The following RYR2 variants were observed in gnomAD, a reference collection of about 807,000 sequenced individuals.
RYR2 encodes ryanodine receptor 2, also known as cardiac muscle ryanodine receptor-calcium release channel.
RYR2 carries 227 observed loss-of-function variants against 601.1 expected under a neutral mutation model. That is an observed-to-expected ratio of 0.38 (90% CI 0.34 to 0.42). The LOEUF (loss-of-function observed/expected upper bound fraction) is 0.42. RYR2 is among the 10% of genes least tolerant of loss of function. The pLI, the probability that RYR2 is intolerant of heterozygous loss-of-function variation, is 1.00. For missense variants in RYR2, 4,646 were observed against 6,156.5 expected, an observed-to-expected ratio of 0.75 and a Z score of 8.21; for synonymous variants, 2,223 against 2,175.1, an observed-to-expected ratio of 1.02 and a Z score of -0.61.
At chr1:237,059,407 CTTG>C (rs1392069385) in intron 1 of RYR2, among the ~76,000 whole-genome samples, 2 of 152,070 alleles carry the variant, frequency 1.3e-5, no homozygotes, top group Admixed American at 6.5e-5. Flanking sequence ...CCCTCTTTTG[CTTG>C]TTGTTCATAC....
intron 2 of RYR2, among the ~76,000 whole-genome samples, chr1:237,310,722 C>G (rs1375634861): frequency 6.6e-6 from 1 of 152,164 alleles, no homozygotes; most frequent in South Asian, 2.1e-4. Context: ...TTGATTGAGT[C>G]CTGTCTCAGA....
At chr1:237,695,605 C>T (rs573314383) in intron 63 of RYR2, among the ~76,000 whole-genome samples, 6 of 152,104 alleles carry the variant, frequency 3.9e-5, no homozygotes, top group African/African-American at 9.7e-5. Flanking sequence ...TTCCTGATAA[C>T]GTGATTGACA....
intron 10 of RYR2, among the ~76,000 whole-genome samples, chr1:237,406,191 T>TCCCC (rs1558764852): frequency 1.3e-4 from 6 of 44,984 alleles, no homozygotes; most frequent in African/African-American, 1.3e-4. Flanking sequence ...TCCCCTCCCC[T>TCCCC]TCCCTTCCCT....
intron 12 of RYR2, among the ~76,000 whole-genome samples, chr1:237,436,833 T>C (rs1270872185): frequency 6.7e-6 from 1 of 150,132 alleles, no homozygotes; most frequent in Admixed American, 6.7e-5. Flanking sequence ...AATAATTCTA[T>C]AGGACTAGTT....
At chr1:237,576,473 C>T (rs1673233121) in intron 29 of RYR2, among the ~76,000 whole-genome samples, 2 of 151,974 alleles carry the variant, frequency 1.3e-5, no homozygotes, top group Admixed American at 1.3e-4. Context: ...TGCCATAGAA[C>T]ATGATGAGGT....
intron 10 of RYR2, among the ~76,000 whole-genome samples, chr1:237,404,251 C>T (rs1340697153): frequency 1.3e-5 from 2 of 151,876 alleles, no homozygotes; most frequent in Non-Finnish European, 2.9e-5. Context: ...CAGAGGGAGA[C>T]CCTGTCTCAA....
At chr1:237,708,625 A>G (rs138546354) in intron 68 of RYR2, among the ~76,000 whole-genome samples, 2 of 152,282 alleles carry the variant, frequency 1.3e-5, no homozygotes, top group African/African-American at 2.4e-5. Context: ...TAAATTAGCT[A>G]TCTATTCTAA....
At chr1:237,553,398 G>A (rs1670593699) in intron 27 of RYR2, among the ~76,000 whole-genome samples, 1 of 151,866 alleles carries the variant, frequency 6.6e-6, no homozygotes, top group Non-Finnish European at 1.5e-5. Context: ...GTCTATTTCT[G>A]GACTGTATAT....
At chr1:237,260,767 A>G (rs1230047813) in intron 1 of RYR2, among the ~76,000 whole-genome samples, 1 of 152,220 alleles carries the variant, frequency 6.6e-6, no homozygotes. Flanking sequence ...TATTTAGAAA[A>G]TGTTGTCTAT....
At chr1:237,326,681 A>C (rs1450425493) in intron 2 of RYR2, among the ~76,000 whole-genome samples, 1 of 152,234 alleles carries the variant, frequency 6.6e-6, no homozygotes, top group Non-Finnish European at 1.5e-5. Flanking sequence ...TTCACATTGA[A>C]GTTCTAAAAA....
chr1:237,597,762 A>G (rs1399584056), intron 34 of RYR2, among the ~76,000 whole-genome samples: 1 of 152,218 alleles, frequency 6.6e-6, no homozygotes, highest in Non-Finnish European at 1.5e-5. Flanking sequence ...AAGGTAAGCA[A>G]GAGAGCAAGA....
At chr1:237,594,885 G>GGTTTTTTTTTTTTTGTTTTTGTTTTTTTT (rs1675639799) in intron 33 of RYR2, among the ~76,000 whole-genome samples, 2 of 79,048 alleles carry the variant, frequency 2.5e-5, no homozygotes, top group African/African-American at 1.4e-4. Flanking sequence ...AATATCACTG[G>GGTTTTTTTTTTTTTGTTTTTGTTTTTTTT]GTTTTTTTTT....
chr1:237,699,356 A>T (rs1409337212), intron 64 of RYR2, among the ~76,000 whole-genome samples: 1 of 152,170 alleles, frequency 6.6e-6, no homozygotes, highest in African/African-American at 2.4e-5. Context: ...TGTGCTTAAC[A>T]TTCATAATAA....
chr1:237,163,838 G>A (rs987896487), intron 1 of RYR2, among the ~76,000 whole-genome samples: 1 of 152,250 alleles, frequency 6.6e-6, no homozygotes, highest in African/African-American at 2.4e-5. Context: ...ACACATGAAG[G>A]AGGTGAGCTA....
intron 91 of RYR2, among the ~76,000 whole-genome samples, chr1:237,786,697 T>A (rs1049977008): frequency 6.6e-6 from 1 of 152,234 alleles, no homozygotes; most frequent in African/African-American, 2.4e-5. Context: ...GAAGCCTACA[T>A]CTTTCTCCAC....
chr1:237,709,489 G>A lies in RYR2; in HGVS notation c.10152G>A (p.Trp3384Ter). The A allele has an allele frequency of 6.2e-7, 1 of 1,608,814 alleles. No individual in the cohort carries two copies. The highest frequency in any genetic ancestry group is 8.5e-7 in the Non-Finnish European group (1 of 1,176,254). The change falls in exon 70 of 105, where the codon TGG (tryptophan) becomes TGA (stop). Residue 3384 changes from tryptophan (W) to a stop codon, truncating the protein, a stop_gained. Coordinates refer to ENST00000366574, the MANE Select transcript of RYR2 (RefSeq NM_001035.3). LOFTEE classifies it high-confidence loss of function. ...IRFVDYNRAKWLKEPNPEAEE... is the reference protein window; with the variant it reads ...IRFVDYNRAK ...TTATTATGTGATCCAGGGCAAAGTGGCTAAAGGAGCCTAACCCAGAAGCAG... is the reference window on the plus strand; with the variant it reads ...TTATTATGTGATCCAGGGCAAAGTGACTAAAGGAGCCTAACCCAGAAGCAG...
chr1:237,546,592 GCTTGTCTTGAACTCCTGA>G (rs1669832260), intron 25 of RYR2, among the ~76,000 whole-genome samples: 1 of 151,954 alleles, frequency 6.6e-6, no homozygotes, highest in South Asian at 2.1e-4. Context: ...TATCAGCCAG[GCTTGTCTTGAACTCCTGA>G]CCTCAAGCGA....
chr1:237,542,234 G>C (rs891188644), intron 25 of RYR2, among the ~76,000 whole-genome samples: 46 of 152,026 alleles, frequency 3.0e-4, no homozygotes, highest in African/African-American at 1.0e-3. Flanking sequence ...GCTGGGATTG[G>C]AGGCATGCAT....
chr1:237,246,321 C>T (rs191846764), intron 1 of RYR2, among the ~76,000 whole-genome samples: 112 of 152,124 alleles, frequency 7.4e-4, no homozygotes, highest in Non-Finnish European at 1.1e-3. Flanking sequence ...GTCTCGAACT[C>T]CTGACCTCAG....
Sources: gnomAD v4.1 joint callset for allele counts (sites outside exome capture counted in the v4.1 genomes callset) on GRCh38, gnomAD v4.1.1 for gene constraint, MANE v1.5 for transcripts, NCBI Gene and HGNC (gene_info 2026-07-23, HGNC 2026-07-21) for gene names.